RBFOX2: variants seen among roughly 807,000 people sequenced by gnomAD.
The protein encoded by RBFOX2 is RNA binding fox-1 homolog 2, also known as RNA binding protein fox-1 homolog 2.
A neutral mutation model predicts 49.1 loss-of-function variants in RBFOX2; 10 were observed. The ratio of observed to expected loss-of-function variants is 0.20; its 90% CI spans 0.13 to 0.35. The LOEUF (loss-of-function observed/expected upper bound fraction) is 0.35, where lower values mean the gene tolerates loss of function less well. Among genes scored for constraint, RBFOX2 ranks in the 10% least tolerant of loss-of-function variants. The pLI, the probability that RBFOX2 is intolerant of heterozygous loss-of-function variation, is 1.00. For missense variants in RBFOX2, 323 were observed against 486.9 expected (o/e 0.66, Z 3.17); for synonymous variants, 183 against 187.4 (o/e 0.98, Z 0.19).
At chr22:35,765,388 G>C (rs1555885358) in intron 6 of RBFOX2, 35 bp downstream of exon 7, 1 of 1,420,522 alleles carries the variant, frequency 7.0e-7, no homozygotes, top group South Asian at 1.3e-5. Context: ...ATTTACACAA[G>C]AATAAACACT....
intron 1 of RBFOX2, among the ~76,000 whole-genome samples, chr22:35,906,736 A>G (rs1247153062): frequency 1.3e-5 from 2 of 152,000 alleles, no homozygotes; most frequent in African/African-American, 4.8e-5. Flanking sequence ...AATTGCTTGA[A>G]CCCAGGAAGT....
intron 4 of RBFOX2, among the ~76,000 whole-genome samples, chr22:35,773,178 T>G (rs1001769308): frequency 4.6e-5 from 7 of 152,108 alleles, no homozygotes; most frequent in African/African-American, 1.7e-4. Context: ...CTACTTACTG[T>G]GACTTCCAAA....
At chr22:35,846,369 T>TAC (rs2041214851) in intron 1 of RBFOX2, among the ~76,000 whole-genome samples, 1 of 140,180 alleles carries the variant, frequency 7.1e-6, no homozygotes, top group Middle Eastern at 3.5e-3. Context: ...TGTGTGTGTG[T>TAC]ACTGCTTAAC....
intron 1 of RBFOX2, chr22:35,897,696 A>C: frequency 1.9e-6 from 2 of 1,068,412 alleles, no homozygotes; most frequent in South Asian, 2.5e-5. Context: ...CTGGTTGTTT[A>C]ACTGCCTTCC....
In RBFOX2 at chr22:35,837,362, G is replaced by A. The variant is rs893826243; in HGVS notation, c.27+2830C>T. On this transcript the variant is annotated intron_variant, in intron 1 of 11. Coordinates refer to ENST00000405409, the Ensembl canonical transcript of RBFOX2. ...AACAGTGAAAACACATCCATACATC[G>A]CTCTTACATTGTAATAAACCGTTTA... Among the ~76,000 whole-genome samples, 18 of 152,172 alleles carry A rather than the reference G, an allele frequency of 1.2e-4. No individual in the cohort carries two copies. The South Asian group carries it at 2.5e-3, about 21-fold the overall frequency.
chr22:35,995,233 C>T (rs2058140724), intron 1 of RBFOX2: 1 of 152,208 alleles, frequency 6.6e-6, no homozygotes, highest in African/African-American at 2.4e-5. Context: ...CCATTCATCT[C>T]ATACACAGGC....
chr22:35,981,124 AATT>A (rs1433924424), intron 1 of RBFOX2, among the ~76,000 whole-genome samples: 2 of 152,224 alleles, frequency 1.3e-5, no homozygotes, highest in African/African-American at 4.8e-5. Flanking sequence ...TTATGGTAGT[AATT>A]ATTATCTTCA....
intron 1 of RBFOX2, among the ~76,000 whole-genome samples, chr22:35,983,426 C>A (rs1053400520): frequency 1.3e-5 from 2 of 152,000 alleles, no homozygotes; most frequent in Non-Finnish European, 2.9e-5. Context: ...AGTTTAGACC[C>A]CTTGGCCATT....
intron 2 of RBFOX2, among the ~76,000 whole-genome samples, chr22:35,791,172 G>A (rs896658346): frequency 4.0e-5 from 6 of 151,880 alleles, no homozygotes; most frequent in Non-Finnish European, 8.8e-5. Flanking sequence ...ATTACCTGAG[G>A]TCAAGAGTTC....
At chr22:35,941,973 C>G (rs532081761), upstream of RBFOX2, among the ~76,000 whole-genome samples, 4 of 152,170 alleles carry the variant, frequency 2.6e-5, no homozygotes, top group Non-Finnish European at 5.9e-5. Flanking sequence ...ATTTTACAGG[C>G]ATGGATCCTA....
exon 12 of RBFOX2, chr22:35,744,192 G>T (rs1931340053): frequency 2.5e-6 from 4 of 1,608,194 alleles, no homozygotes; most frequent in Non-Finnish European, 3.4e-6. Context: ...ATTTGCAGGG[G>T]TCTCACGTCA....
chr22:35,919,263 A>G (rs2050757974), intron 1 of RBFOX2, among the ~76,000 whole-genome samples: 1 of 152,200 alleles, frequency 6.6e-6, no homozygotes, highest in Non-Finnish European at 1.5e-5. Context: ...ATTGGCCAGG[A>G]GCAGTGGCTC....
intron 2 of RBFOX2, among the ~76,000 whole-genome samples, chr22:35,800,376 A>C (rs1353125857): frequency 6.6e-6 from 1 of 152,200 alleles, no homozygotes; most frequent in African/African-American, 2.4e-5. Flanking sequence ...TCTTTAATAA[A>C]GTCCATATTT....
At chr22:35,895,018 C>T (rs191929889) in intron 1 of RBFOX2, among the ~76,000 whole-genome samples, 4 of 151,950 alleles carry the variant, frequency 2.6e-5, no homozygotes, top group East Asian at 1.9e-4. Flanking sequence ...CTCCCCCCTC[C>T]GCTCCAGCTG....
chr22:35,898,477 G>A, intron 1 of RBFOX2: 2 of 375,316 alleles, frequency 5.3e-6, no homozygotes, highest in South Asian at 5.4e-5. Flanking sequence ...CCAGGCTGCA[G>A]TGCAGTGGCG....
intron 1 of RBFOX2, among the ~76,000 whole-genome samples, chr22:35,985,845 C>A (rs926120564): frequency 6.6e-6 from 1 of 151,752 alleles, no homozygotes; most frequent in Admixed American, 6.6e-5. Flanking sequence ...AAGTTCAAGG[C>A]CAGCCTGGGC....
At chr22:35,832,913 T>C (rs1229498999) in intron 1 of RBFOX2, among the ~76,000 whole-genome samples, 1 of 152,224 alleles carries the variant, frequency 6.6e-6, no homozygotes, top group African/African-American at 2.4e-5. Context: ...TAATTTATTG[T>C]GTATTTCAAA....
At chr22:35,769,248 T>C (rs1041496005) in intron 4 of RBFOX2, among the ~76,000 whole-genome samples, 35 of 152,160 alleles carry the variant, frequency 2.3e-4, no homozygotes, top group Non-Finnish European at 1.9e-4. Flanking sequence ...GTGACATCAG[T>C]TGTACACTAT....
chr22:35,756,756 C>T (rs1282677948), intron 9 of RBFOX2, among the ~76,000 whole-genome samples: 1 of 152,006 alleles, frequency 6.6e-6, no homozygotes, highest in Non-Finnish European at 1.5e-5. Flanking sequence ...TGGCTGATCA[C>T]ACAAGCATGC....
Sources: gnomAD v4.1 joint callset for allele counts (sites outside exome capture counted in the v4.1 genomes callset) on GRCh38, gnomAD v4.1.1 for gene constraint, MANE v1.5 for transcripts, NCBI Gene and HGNC (gene_info 2026-07-23, HGNC 2026-07-21) for gene names.